Variants in BAZ1A observed in about 807,000 individuals in gnomAD.
BAZ1A encodes bromodomain adjacent to zinc finger domain 1A.
BAZ1A carries 50 observed loss-of-function variants against 185.2 expected under a neutral mutation model. The observed-to-expected ratio is 0.27, with a 90% CI of 0.22 to 0.34. The LOEUF (loss-of-function observed/expected upper bound fraction) is 0.34. Ranked by LOEUF, BAZ1A falls within the 10% of genes least tolerant of loss-of-function variation. The pLI is 1.00. For missense variants in BAZ1A, 1,356 were observed against 1,839.9 expected (o/e 0.74, Z 4.81); for synonymous variants, 571 against 615.6 (o/e 0.93, Z 1.07).
chr14:34,867,489 A>C (rs1021526213), intron 2 of BAZ1A, among the ~76,000 whole-genome samples: 9 of 152,206 alleles, frequency 5.9e-5, no homozygotes, highest in Non-Finnish European at 1.0e-4. Flanking sequence ...AAGTGCAACA[A>C]ACACGATTTA....
chr14:34,862,784 T>A (rs1266104640), intron 2 of BAZ1A, among the ~76,000 whole-genome samples: 42 of 140,328 alleles, frequency 3.0e-4, no homozygotes, highest in South Asian at 4.4e-4. Flanking sequence ...ATTTGTGTTA[T>A]AAAAAAAAAA....
chr14:34,789,008 C>T (rs776627463), intron 12 of BAZ1A, among the ~76,000 whole-genome samples: 3 of 152,172 alleles, frequency 2.0e-5, no homozygotes, highest in Non-Finnish European at 4.4e-5. Context: ...TAGGGCCACA[C>T]AGGAGAAGCT....
chr14:34,792,498 G>A (rs1273331795), intron 12 of BAZ1A, among the ~76,000 whole-genome samples: 2 of 152,130 alleles, frequency 1.3e-5, no homozygotes, highest in Non-Finnish European at 2.9e-5. Context: ...ACTGGTCAAT[G>A]AAATCTGTAA....
intron 3 of BAZ1A, among the ~76,000 whole-genome samples, chr14:34,859,237 C>G (rs1026758866): frequency 1.3e-5 from 2 of 151,916 alleles, no homozygotes; most frequent in African/African-American, 4.8e-5. Context: ...AGCTCAGGAG[C>G]AACATAGCCA....
chr14:34,806,956 C>T (rs77221946), intron 6 of BAZ1A, among the ~76,000 whole-genome samples: 9,561 of 150,626 alleles, frequency 0.063, 408 homozygotes, highest in Non-Finnish European at 0.098. Context: ...GCCATGTTTC[C>T]CAGGCTGGTC....
chr14:34,868,636 A>G (rs1213076133), intron 2 of BAZ1A, among the ~76,000 whole-genome samples: 1 of 152,012 alleles, frequency 6.6e-6, no homozygotes, highest in South Asian at 2.1e-4. Context: ...CTCCGTCTCT[A>G]GTAAAAATTC....
intron 3 of BAZ1A, among the ~76,000 whole-genome samples, chr14:34,837,825 A>T (rs2145028): frequency 0.13 from 19,308 of 152,214 alleles, 1,616 homozygotes; most frequent in Middle Eastern, 0.19. Flanking sequence ...ACAAACATGT[A>T]AGATAGTCTT....
chr14:34,786,625 T>TTTTTTG (rs1880472810), intron 12 of BAZ1A: 1 of 155,160 alleles, frequency 6.4e-6, no homozygotes, highest in South Asian at 1.8e-4. Context: ...TTTTTTTTTT[T>TTTTTTG]GAGATGTAGT....
chr14:34,791,359 G>C (rs1197354166), intron 12 of BAZ1A, among the ~76,000 whole-genome samples: 1 of 152,040 alleles, frequency 6.6e-6, no homozygotes, highest in East Asian at 1.9e-4. Flanking sequence ...CTATAATGCT[G>C]TTGACCACTA....
intron 3 of BAZ1A, among the ~76,000 whole-genome samples, chr14:34,830,761 T>C (rs12587390): frequency 0.28 from 41,361 of 149,466 alleles, 6,247 homozygotes; most frequent in Non-Finnish European, 0.36. Flanking sequence ...GGTATATCTC[T>C]ACAACTCCTT....
Position 34,758,743 on chromosome 14 carries a change from A to G in BAZ1A, c.4347T>C (p.Asp1449=). The G allele has an allele frequency of 6.2e-7, 1 of 1,614,202 alleles. No homozygotes were observed. The highest frequency in any genetic ancestry group is 8.5e-7 in the Non-Finnish European group (1 of 1,180,028). ...EQLVVELVRH[D]DSWPFLKLVS... ...CAAGTTTCAAAAAAGGCCAGCTGTC[A>G]TCATGTCGTACCAATTCTACAACAA... The change falls in exon 25 of 27, where the codon GAT becomes GAC. Residue 1449 remains aspartate (D), a synonymous_variant. Coordinates refer to ENST00000360310, the MANE Select transcript of BAZ1A (RefSeq NM_013448.3).
At chr14:34,819,281 C>T (rs2042051776) in intron 4 of BAZ1A, among the ~76,000 whole-genome samples, 1 of 151,984 alleles carries the variant, frequency 6.6e-6, no homozygotes, top group Non-Finnish European at 1.5e-5. Context: ...TGGAACATAT[C>T]CCCCATGGAT....
intron 2 of BAZ1A, among the ~76,000 whole-genome samples, chr14:34,871,733 C>T (rs959332711): frequency 2.6e-5 from 4 of 152,136 alleles, no homozygotes; most frequent in Non-Finnish European, 5.9e-5. Flanking sequence ...ATTAGCTGGG[C>T]GTGGTGGCAG....
chr14:34,757,956 C>T (rs914830858), intron 25 of BAZ1A, among the ~76,000 whole-genome samples: 1 of 150,982 alleles, frequency 6.6e-6, no homozygotes, highest in Non-Finnish European at 1.5e-5. Flanking sequence ...ACTGTGTTAG[C>T]CAGGATGGTC....
intron 18 of BAZ1A, among the ~76,000 whole-genome samples, chr14:34,775,123 G>GGA (rs1224594202): frequency 2.6e-5 from 4 of 151,916 alleles, no homozygotes; most frequent in African/African-American, 9.7e-5. Context: ...GGCTGAGACA[G>GGA]GAGATGCACT....
At chr14:34,758,495 G>A (rs764599904) in intron 25 of BAZ1A, 15 of 432,042 alleles carry the variant, frequency 3.5e-5, no homozygotes, top group African/African-American at 1.9e-4. Flanking sequence ...CAGGAGAATC[G>A]CTTGAACCTG....
intron 15 of BAZ1A, among the ~76,000 whole-genome samples, chr14:34,783,485 A>G (rs1374898974): frequency 6.7e-6 from 1 of 150,182 alleles, no homozygotes. Flanking sequence ...ACAGGCATGC[A>G]CCACCACGCC....
chr14:34,771,807 G>A (rs1040639239), intron 20 of BAZ1A, 148 bp from the exon 21 acceptor site: 4 of 661,438 alleles, frequency 6.0e-6, no homozygotes, highest in Admixed American at 3.2e-5. Flanking sequence ...AGTAGGGAAG[G>A]GAGATTCATT....
At position 34,858,267 on chromosome 14, in the gene BAZ1A, T is replaced by A. The variant is rs188098901; in HGVS notation, c.392+3777A>T. Among the ~76,000 whole-genome samples, 1,339 of 151,852 alleles carry A rather than the reference T, an allele frequency of 8.8e-3. 10 individuals carry two copies. The highest frequency in any genetic ancestry group is 0.015 in the Non-Finnish European group (992 of 67,928). On this transcript the variant is annotated intron_variant, in intron 3 of 26. Transcript: ENST00000360310. ...GTATTTTTCCACAATTAAAAAAAAA[T>A]TTTTTTTTGAGACAGACTCGTGCTT...
Sources: allele counts gnomAD v4.1 joint callset (sites outside exome capture counted in the v4.1 genomes callset), GRCh38; gene constraint gnomAD v4.1.1; transcripts MANE v1.5; gene names NCBI Gene and HGNC (gene_info 2026-07-23, HGNC 2026-07-21).